Variants in GPBP1L1 observed in about 807,000 individuals in gnomAD.
GPBP1L1 encodes GC-rich promoter binding protein 1 like 1, also known as vasculin-like protein 1.
A neutral mutation model predicts 52.5 loss-of-function variants in GPBP1L1; 23 were observed. That is an observed-to-expected ratio of 0.44 (90% CI 0.32 to 0.62). GPBP1L1 has a LOEUF of 0.62. Ranked by LOEUF, GPBP1L1 falls within the 20% of genes least tolerant of loss-of-function variation. GPBP1L1 has a pLI of 0.06. For missense variants in GPBP1L1, 596 were observed against 579.3 expected (o/e 1.03, Z -0.30); for synonymous variants, 243 against 203.1 (o/e 1.20, Z -1.67).
chr1:45,629,651 T>C lies in GPBP1L1; in HGVS notation c.1197A>G (p.Glu399=). The C allele has an allele frequency of 6.2e-7, 1 of 1,612,718 alleles. No homozygotes were observed. The highest frequency in any genetic ancestry group is 8.5e-7 in the Non-Finnish European group (1 of 1,178,720). The change falls in exon 12 of 13, where the codon GAA becomes GAG. Residue 399 remains glutamate (E), a synonymous_variant. Transcript: ENST00000355105. ...HRLLKAMGWQ[E]YPENDENCLP... is the part of the protein sequence containing the mutation. ...GGCAATTCTCATCATTTTCAGGATA[T>C]TCCTGCCAACCCATAGCTTTCAATA...
rs990132980 is a variant in GPBP1L1 at position 45,637,251 on chromosome 1, T to C, written c.744+2959A>G. Among the ~76,000 whole-genome samples the C allele has an allele frequency of 1.1e-4, 16 of 152,340 alleles. No individual in the cohort carries two copies. In the East Asian group the frequency reaches 3.1e-3, roughly 29 times the overall value. ...TCAGATACTCAATAATTATTGCTAA[T>C]GTTTAGATAAAATGAATGGATAAAT... On this transcript the variant is annotated intron_variant, in intron 8 of 12. Coordinates refer to ENST00000355105, the MANE Select transcript of GPBP1L1 (RefSeq NM_021639.5).
chr1:45,683,838 C>T (rs1319374562), intron 2 of GPBP1L1, among the ~76,000 whole-genome samples: 2 of 151,718 alleles, frequency 1.3e-5, no homozygotes, highest in East Asian at 3.9e-4. Flanking sequence ...GGGAGGACTG[C>T]TTAAGCCTGA....
At chr1:45,642,360 C>CT in intron 7 of GPBP1L1, 67 bp downstream of exon 7, 1 of 997,340 alleles carries the variant, frequency 1.0e-6, no homozygotes, top group Non-Finnish European at 1.6e-6. Flanking sequence ...GATAAGGAAT[C>CT]TTTGCTCCCC....
At chr1:45,681,233 A>C (rs1645209015) in intron 2 of GPBP1L1, among the ~76,000 whole-genome samples, 1 of 152,338 alleles carries the variant, frequency 6.6e-6, no homozygotes, top group South Asian at 2.1e-4. Context: ...AACAAACCAG[A>C]AAATAAAAAT....
intron 6 of GPBP1L1, chr1:45,646,043 G>A: frequency 4.0e-6 from 2 of 501,946 alleles, no homozygotes; most frequent in Non-Finnish European, 7.8e-6. Context: ...TATCATCAAT[G>A]ATTTCAAATT....
intron 6 of GPBP1L1, among the ~76,000 whole-genome samples, chr1:45,645,148 T>A (rs1644727453): frequency 1.3e-5 from 2 of 152,186 alleles, no homozygotes; most frequent in African/African-American, 4.8e-5. Flanking sequence ...TTTGAAAAAA[T>A]ATTCCAAGCT....
chr1:45,640,267 G>A lies in GPBP1L1; in HGVS notation c.687C>T (p.Ser229=), dbSNP rs139341832. 25 of 1,614,012 alleles carry A rather than the reference G, an allele frequency of 1.5e-5. 1 individual carries two copies. The African/African-American group carries it at 1.7e-4, about 11-fold the overall frequency. ...SHHANGNKLS[S]VVPSVYKNLV... is the part of the protein sequence containing the mutation. ...GGTTCTTATAGACACTTGGAACCAC[G>A]GATGACAATTTGTTCCCATTTGCAT... Residue 229 remains serine, a synonymous_variant, in exon 8 of 13, where the codon TCC becomes TCT. Coordinates refer to ENST00000355105, the MANE Select transcript of GPBP1L1 (RefSeq NM_021639.5).
At chr1:45,640,450 T>G (rs375592941) in intron 7 of GPBP1L1, 47 bp from the exon 8 acceptor site, 1 of 1,494,116 alleles carries the variant, frequency 6.7e-7, no homozygotes, top group Non-Finnish European at 9.3e-7. Context: ...AAACCTGTTG[T>G]GTAACATGAA....
chr1:45,643,658 C>CTTTT (rs113388167), intron 6 of GPBP1L1, among the ~76,000 whole-genome samples: 26 of 65,144 alleles, frequency 4.0e-4, no homozygotes, highest in Non-Finnish European at 5.2e-4. Flanking sequence ...AGGAGAATGG[C>CTTTT]TTTTTTTTTT....
chr1:45,633,418 A>G, intron 10 of GPBP1L1, 71 bp downstream of exon 10: 1 of 1,510,312 alleles, frequency 6.6e-7, no homozygotes, highest in Non-Finnish European at 9.1e-7. Flanking sequence ...TTTATCCTTT[A>G]AGAAGAAGAA....
intron 2 of GPBP1L1, among the ~76,000 whole-genome samples, chr1:45,673,272 C>G (rs1645096422): frequency 6.6e-6 from 1 of 152,142 alleles, no homozygotes; most frequent in Non-Finnish European, 1.5e-5. Context: ...ACTAAGTAGA[C>G]AGCAAGACCT....
At chr1:45,655,049 T>C in intron 5 of GPBP1L1, 141 bp downstream of exon 5, 1 of 1,097,876 alleles carries the variant, frequency 9.1e-7, no homozygotes, top group South Asian at 1.4e-5. Context: ...CCAATGTAGT[T>C]GCGTAATGAC....
At chr1:45,652,675 T>G (rs1472145424) in intron 6 of GPBP1L1, among the ~76,000 whole-genome samples, 3 of 152,136 alleles carry the variant, frequency 2.0e-5, no homozygotes, top group African/African-American at 7.2e-5. Context: ...AATAAAAGTA[T>G]TAAAGGAAAG....
intron 2 of GPBP1L1, among the ~76,000 whole-genome samples, 176 bp downstream of exon 2, chr1:45,685,399 TC>T (rs1010587421): frequency 1.3e-5 from 2 of 152,188 alleles, no homozygotes; most frequent in Non-Finnish European, 2.9e-5. Flanking sequence ...GCAATAAATG[TC>T]AATGTTAAAA....
At chr1:45,645,814 C>A in intron 6 of GPBP1L1, 2 of 417,968 alleles carry the variant, frequency 4.8e-6, no homozygotes, top group Admixed American at 3.0e-5. Context: ...TGTATTGCAT[C>A]CCTAGAAACA....
At chr1:45,645,422 C>T (rs72688460) in intron 6 of GPBP1L1, among the ~76,000 whole-genome samples, 25,678 of 152,184 alleles carry the variant, frequency 0.17, 2,678 homozygotes, top group Non-Finnish European at 0.23. Flanking sequence ...GATTCTCAAG[C>T]ATACAAAGTA....
intron 2 of GPBP1L1, among the ~76,000 whole-genome samples, chr1:45,679,271 C>T (rs1027759650): frequency 1.3e-5 from 2 of 152,104 alleles, no homozygotes; most frequent in African/African-American, 2.4e-5. Flanking sequence ...TTGGCAAACA[C>T]GAAAAACCAA....
chr1:45,659,818 G>A (rs1366703197), intron 3 of GPBP1L1, among the ~76,000 whole-genome samples: 2 of 152,152 alleles, frequency 1.3e-5, no homozygotes, highest in Admixed American at 1.3e-4. Flanking sequence ...GCACACGTCT[G>A]TGGTCCCAGC....
At chr1:45,629,456 C>CCT in intron 12 of GPBP1L1, 120 bp downstream of exon 12, 2 of 88,168 alleles carry the variant, frequency 2.3e-5, no homozygotes, top group East Asian at 3.0e-4. Context: ...TAAGGTAATC[C>CCT]CCCCCCCCCC....
Sources: gnomAD v4.1 joint callset for allele counts (sites outside exome capture counted in the v4.1 genomes callset) on GRCh38, gnomAD v4.1.1 for gene constraint, MANE v1.5 for transcripts, NCBI Gene and HGNC (gene_info 2026-07-23, HGNC 2026-07-21) for gene names.